Variants in DMD observed in about 807,000 individuals in gnomAD.
DMD encodes dystrophin.
A neutral mutation model predicts 330.1 loss-of-function variants in DMD; 63 were observed. That is an observed-to-expected ratio of 0.19 (90% CI 0.16 to 0.24). The LOEUF is 0.24. Ranked by LOEUF, DMD falls within the 10% of genes least tolerant of loss-of-function variation. DMD has a pLI of 1.00. For synonymous variants in DMD, 1,223 were observed against 959.8 expected (o/e 1.27, Z -5.07); for missense variants, 3,344 against 2,684.1 (o/e 1.25, Z -5.43).
At chrX:32,389,944 G>C (rs1163073443) in intron 31 of DMD, 127 bp downstream of exon 31, 26 of 575,624 alleles carry the variant, frequency 4.5e-5, no homozygotes, top group Non-Finnish European at 6.6e-5. Flanking sequence ...TCATTGTTTA[G>C]ACATCAAATT....
intron 2 of DMD, among the ~76,000 whole-genome samples, chrX:33,000,191 A>T (rs1163887554): frequency 1.8e-5 from 2 of 111,772 alleles, no homozygotes; most frequent in Non-Finnish European, 3.8e-5. Context: ...ACTTTAGTTT[A>T]CATAATAGAG....
intron 1 of DMD, among the ~76,000 whole-genome samples, chrX:33,146,131 T>G (rs981595441): frequency 2.7e-5 from 3 of 110,698 alleles, no homozygotes; most frequent in African/African-American, 9.9e-5. Context: ...CCTAACCTCG[T>G]GATCCACCTG....
At chrX:31,803,822 C>A (rs2092187985) in intron 50 of DMD, among the ~76,000 whole-genome samples, 1 of 110,625 alleles carries the variant, frequency 9.0e-6, no homozygotes, top group Admixed American at 9.6e-5. Context: ...GCCTCAGCCT[C>A]CCGAGTAGCT....
chrX:33,210,012 AAAC>A (rs915087746), intron 1 of DMD, among the ~76,000 whole-genome samples: 1 of 110,688 alleles, frequency 9.0e-6, no homozygotes, highest in African/African-American at 3.3e-5. Flanking sequence ...TGTATATTGC[AAAC>A]AACAGATATA....
At chrX:31,611,601 G>A (rs1272003206) in intron 55 of DMD, among the ~76,000 whole-genome samples, 1 of 110,938 alleles carries the variant, frequency 9.0e-6, no homozygotes, top group African/African-American at 3.3e-5. Flanking sequence ...TTTTTGATTT[G>A]GGATCTTGAC....
intron 51 of DMD, among the ~76,000 whole-genome samples, chrX:31,730,605 C>A (rs7060085): frequency 0.51 from 55,542 of 109,548 alleles, 11,217 homozygotes; most frequent in African/African-American, 0.74. Context: ...TTAAGGACCA[C>A]AATCTCAGAG....
At chrX:32,234,587 CA>C (rs779634899) in intron 43 of DMD, among the ~76,000 whole-genome samples, 12 of 111,816 alleles carry the variant, frequency 1.1e-4, no homozygotes, top group African/African-American at 2.9e-4. Context: ...TTAAAAATTA[CA>C]AGTGATATCT....
At chrX:31,811,718 C>A (rs1195269813) in intron 50 of DMD, among the ~76,000 whole-genome samples, 1 of 111,238 alleles carries the variant, frequency 9.0e-6, no homozygotes, top group Non-Finnish European at 1.9e-5. Flanking sequence ...ATAGCCATGT[C>A]GTAAGTGTTT....
rs2090027527 is a variant in DMD at position 31,766,873 on chromosome X, T to TGTGTGTGTGTGTGTG, written c.7542+7086_7542+7087insCACACACACACACAC. Among the ~76,000 whole-genome samples, 4 of 101,052 alleles carry TGTGTGTGTGTGTGTG rather than the reference T, an allele frequency of 4.0e-5. No individual in the cohort carries two copies. The East Asian group carries it at 9.3e-4, about 24-fold the overall frequency. 87.8% of individuals were successfully genotyped at this position (101,052 alleles called of 115,157 possible). On this transcript the variant is annotated intron_variant, in intron 51 of 78. Transcript: ENST00000357033. ...ATTAGGAGACTTAGAAAATATGATT[T>TGTGTGTGTGTGTGTG]TGTGTGTGTGTGTGTGTGTGTGTGT... is the stretch of plus-strand genomic sequence containing the variant.
chrX:33,283,892 C>G (rs2053384161), intron 1 of DMD, among the ~76,000 whole-genome samples: 2 of 108,352 alleles, frequency 1.8e-5, no homozygotes, highest in Admixed American at 2.0e-4. Flanking sequence ...GTGGCGGGCG[C>G]CTGTAGTCCC....
chrX:32,536,508 G>T (rs756906150), intron 17 of DMD, among the ~76,000 whole-genome samples: 21 of 111,977 alleles, frequency 1.9e-4, no homozygotes, highest in African/African-American at 6.2e-4. Context: ...ATAGGGCAGT[G>T]CGGAACAAAG....
chrX:31,893,677 A>T (rs1369900346), intron 47 of DMD, among the ~76,000 whole-genome samples: 1 of 110,257 alleles, frequency 9.1e-6, no homozygotes, highest in Non-Finnish European at 1.9e-5. Flanking sequence ...CAGGGTAATC[A>T]AGGGAAGGAA....
chrX:32,128,526 C>T (rs2096672446), intron 44 of DMD, among the ~76,000 whole-genome samples: 1 of 112,013 alleles, frequency 8.9e-6, no homozygotes, highest in Admixed American at 9.5e-5. Flanking sequence ...CTGATAAATG[C>T]AAAGTACCAA....
At position 31,223,080 on chromosome X, in the gene DMD, T is replaced by C. The variant is rs1381984529; in HGVS notation, c.9328A>G (p.Met3110Val). 2 of 1,209,765 alleles carry C rather than the reference T, an allele frequency of 1.7e-6. No individual in the cohort carries two copies. The highest frequency in any genetic ancestry group is 3.0e-5 in the East Asian group (1 of 33,794). Reference protein sequence around the residue: ...NVRFSAYRTAMKLRRLQKALC... With the variant: ...NVRFSAYRTAVKLRRLQKALC... ...GCCTTCTGCAGTCTTCGGAGTTTCA[T>C]GGCAGTCCTATAAGCTGAGAATCTG... is the stretch of plus-strand genomic sequence containing the variant. The change falls in exon 64 of 79, where the codon ATG becomes GTG. Residue 3110 changes from methionine (M) to valine (V), a missense_variant. Transcript: ENST00000357033.
chrX:32,692,404 G>C (rs1447817325), intron 9 of DMD, among the ~76,000 whole-genome samples: 4 of 111,359 alleles, frequency 3.6e-5, no homozygotes, highest in Non-Finnish European at 1.9e-5. Context: ...TTTAATCTAA[G>C]GAGTGGTCTC....
At chrX:31,819,376 G>A (rs946258720) in intron 50 of DMD, among the ~76,000 whole-genome samples, 20 of 112,600 alleles carry the variant, frequency 1.8e-4, no homozygotes, top group African/African-American at 6.5e-4. Context: ...AGGGAGAGGT[G>A]CTAGTAGGAC....
chrX:32,141,196 C>T (rs1460690769), intron 44 of DMD, among the ~76,000 whole-genome samples: 1 of 107,937 alleles, frequency 9.3e-6, no homozygotes, highest in South Asian at 4.1e-4. Context: ...GAGGCTGAGT[C>T]GGGTGGATGA....
rs368219538 is a variant in DMD at position 33,240,593 on chromosome X, C to T, written c.7+98666G>A. Among the ~76,000 whole-genome samples the T allele has an allele frequency of 6.3e-5, 7 of 111,757 alleles. No homozygotes were observed. The East Asian group carries it at 1.7e-3, about 27-fold the overall frequency. On this transcript the variant is annotated intron_variant, in intron 1 of 17. Transcript: ENST00000288447. ...CGGTATATAGCCAGTAGTGGGACTG[C>T]TGGATCATATGTTAGTTCTAGTTTT...
chrX:31,416,976 G>A (rs1015317172), intron 60 of DMD, among the ~76,000 whole-genome samples: 1 of 112,185 alleles, frequency 8.9e-6, no homozygotes, highest in Non-Finnish European at 1.9e-5. Context: ...TAAAGTGGTC[G>A]TTTCAAAGCT....
Sources: gnomAD v4.1 joint callset for allele counts (sites outside exome capture counted in the v4.1 genomes callset) on GRCh38, gnomAD v4.1.1 for gene constraint, MANE v1.5 for transcripts, NCBI Gene and HGNC (gene_info 2026-07-23, HGNC 2026-07-21) for gene names.